ANKS1A: variants seen among roughly 807,000 people sequenced by gnomAD.
ANKS1A encodes the protein ankyrin repeat and sterile alpha motif domain containing 1A, also known as ankyrin repeat and SAM domain-containing protein 1A.
A neutral mutation model predicts 120.3 loss-of-function variants in ANKS1A; 55 were observed. That is an observed-to-expected ratio of 0.46 (90% confidence interval 0.37 to 0.57). ANKS1A has a LOEUF of 0.57. Ranked by LOEUF, ANKS1A falls within the 20% of genes least tolerant of loss-of-function variation. The pLI is 0.00. For synonymous variants in ANKS1A, 590 were observed against 604.7 expected (o/e 0.98, Z 0.36); for missense variants, 1,123 against 1,480.3 (o/e 0.76, Z 3.96).
At position 35,073,625 on chromosome 6, in the gene ANKS1A, C is replaced by T. The variant is rs571738127; in HGVS notation, c.2185-4933C>T. On this transcript the variant is annotated intron_variant, in intron 13 of 23. Transcript: ENST00000360359. ...TGGAGTTGTGAAGCTTTTATCAAAGCTGAGACAATCCCTGTTAACTAAAAT... is the reference window on the plus strand; with the variant it reads ...TGGAGTTGTGAAGCTTTTATCAAAGTTGAGACAATCCCTGTTAACTAAAAT... Among the ~76,000 whole-genome samples, 5 of 152,356 alleles carry T rather than the reference C, an allele frequency of 3.3e-5. No homozygotes were observed. In the South Asian group the frequency reaches 1.0e-3, roughly 32 times the overall value.
chr6:34,982,926 C>T lies in ANKS1A; in HGVS notation c.808+99C>T. ...GATTTTTGCTGGCTGTGTTTGAACT[C>T]AATGTATGTGTATCTCCACTGGTTG... On this transcript the variant is annotated intron_variant, in intron 5 of 23. Coordinates refer to ENST00000360359, the MANE Select transcript of ANKS1A (RefSeq NM_015245.3). The surrounding 1 kb of genome is among the most constrained non-coding windows in gnomAD (Gnocchi z 4.9). 1 of 1,437,448 alleles carries T rather than the reference C, an allele frequency of 7.0e-7. No individual in the cohort carries two copies. Among genetic ancestry groups the T allele is most frequent in the Admixed American group, 1.7e-5 (1 of 58,770 alleles). The allele number at this position is 1,437,448 out of a possible 1,614,324, so 89.0% of individuals were successfully genotyped here. A position where few individuals can be genotyped will look rare whatever the true frequency, so the allele number is the denominator to read the frequency against.
At chr6:34,945,983 ATT>A (rs770638824) in intron 1 of ANKS1A, among the ~76,000 whole-genome samples, 1 of 128,916 alleles carries the variant, frequency 7.8e-6, no homozygotes, top group Non-Finnish European at 1.7e-5. Flanking sequence ...ATTTTTATTT[ATT>A]TTTTTTTTTT....
At chr6:34,908,365 G>A (rs1328662068) in intron 1 of ANKS1A, among the ~76,000 whole-genome samples, 1 of 152,202 alleles carries the variant, frequency 6.6e-6, no homozygotes, top group African/African-American at 2.4e-5. Context: ...GCCCAGCAGT[G>A]AGTAAGCGGC....
chr6:34,975,941 C>G (rs1244261098), intron 3 of ANKS1A, among the ~76,000 whole-genome samples: 1 of 151,720 alleles, frequency 6.6e-6, no homozygotes, highest in Non-Finnish European at 1.5e-5. Context: ...AGTTCGAGAC[C>G]AGCCTAGCCA....
chr6:34,989,444 T>C (rs1772394815), intron 9 of ANKS1A, 128 bp downstream of exon 9: 1 of 830,900 alleles, frequency 1.2e-6, no homozygotes, highest in Non-Finnish European at 1.9e-6. Flanking sequence ...ATTTGTATTA[T>C]GTGTACTAGT....
intron 10 of ANKS1A, among the ~76,000 whole-genome samples, chr6:34,999,793 A>T (rs536390738): frequency 6.6e-6 from 1 of 152,212 alleles, no homozygotes; most frequent in Non-Finnish European, 1.5e-5. Context: ...AGAGAACAGC[A>T]GCATAAGCGG....
rs114080011 is a variant in ANKS1A, at chr6:35,028,060, T to G, written c.2010+10001T>G. On this transcript the variant is annotated intron_variant, in intron 11 of 23. Transcript: ENST00000360359. ...AATGACAATTTATCTGGCAGTCTGT[T>G]CTTGGCTGTCCTGATTTAAACAGGC... 6.5e-3 allele frequency among the ~76,000 whole-genome samples: 994 copies of G among 152,362 alleles called. 6 individuals are homozygous for G. The highest frequency in any genetic ancestry group is 0.017 in the Middle Eastern group (5 of 294).
rs78528694 is a variant in ANKS1A, at chr6:34,916,926, T to C, written c.197+27327T>C. The stretch of plus-strand genomic sequence containing the variant: ...TACTTGTTCTTTAAGGCGGCAGCAA[T>C]GTGCCTTAATGTGGTTGTCCTCATT... On this transcript the variant is annotated intron_variant, in intron 1 of 23. Transcript: ENST00000360359. Among the ~76,000 whole-genome samples the C allele has an allele frequency of 1.7e-3, 253 of 152,314 alleles. 10 individuals are homozygous for C. The East Asian group carries it at 0.042, about 25-fold the overall frequency.
intron 1 of ANKS1A, among the ~76,000 whole-genome samples, chr6:34,909,665 C>G: frequency 6.6e-6 from 1 of 152,140 alleles, no homozygotes; most frequent in Non-Finnish European, 1.5e-5. Flanking sequence ...TTGTGATCTT[C>G]TGATGGGGGA....
chr6:35,000,432 C>G (rs1773103217), intron 10 of ANKS1A, among the ~76,000 whole-genome samples: 1 of 149,728 alleles, frequency 6.7e-6, no homozygotes, highest in South Asian at 2.1e-4. Context: ...CTTAGACAGT[C>G]TAGTCCACAG....
At chr6:34,923,924 C>CT (rs1768568818) in intron 1 of ANKS1A, among the ~76,000 whole-genome samples, 1 of 152,162 alleles carries the variant, frequency 6.6e-6, no homozygotes, top group South Asian at 2.1e-4. Context: ...AATGTCTACA[C>CT]TTTTTTCTGA....
At chr6:34,945,688 G>C (rs1769755692) in intron 1 of ANKS1A, among the ~76,000 whole-genome samples, 2 of 152,148 alleles carry the variant, frequency 1.3e-5, no homozygotes, top group African/African-American at 2.4e-5. Flanking sequence ...TTTACAAAGT[G>C]AAAGTTGTGG....
intron 1 of ANKS1A, among the ~76,000 whole-genome samples, chr6:34,934,021 G>A (rs1400462869): frequency 6.6e-6 from 1 of 152,190 alleles, no homozygotes; most frequent in Non-Finnish European, 1.5e-5. Context: ...AGATAACTGT[G>A]TACGTTGGAG....
At chr6:34,918,815 A>C (rs1379421443) in intron 1 of ANKS1A, among the ~76,000 whole-genome samples, 2 of 152,034 alleles carry the variant, frequency 1.3e-5, no homozygotes, top group African/African-American at 4.8e-5. Flanking sequence ...GACTTTGGTT[A>C]CTGTTACATT....
intron 13 of ANKS1A, 41 bp from the exon 14 acceptor site, chr6:35,078,517 C>T (rs762571979): frequency 2.5e-6 from 4 of 1,582,538 alleles, no homozygotes; most frequent in Middle Eastern, 1.7e-4. Flanking sequence ...CACCAGCCAT[C>T]CATCCAGGAG....
At chr6:35,076,893 G>A (rs781246846) in intron 13 of ANKS1A, among the ~76,000 whole-genome samples, 1 of 152,106 alleles carries the variant, frequency 6.6e-6, no homozygotes, top group Non-Finnish European at 1.5e-5. Context: ...GCCTCCCAAA[G>A]TGCTGGGATT....
intron 11 of ANKS1A, among the ~76,000 whole-genome samples, chr6:35,022,176 C>T (rs1774377729): frequency 6.6e-6 from 1 of 152,192 alleles, no homozygotes; most frequent in Non-Finnish European, 1.5e-5. Flanking sequence ...CCACTGTTCT[C>T]ATTTGAGAAA....
intron 11 of ANKS1A, among the ~76,000 whole-genome samples, chr6:35,052,145 T>C (rs1775998874): frequency 6.6e-6 from 1 of 151,896 alleles, no homozygotes; most frequent in South Asian, 2.1e-4. Context: ...TGAGACCTTA[T>C]CTCTACAAAA....
chr6:34,909,360 A>T (rs556279582), intron 1 of ANKS1A, among the ~76,000 whole-genome samples: 2 of 152,314 alleles, frequency 1.3e-5, no homozygotes, highest in East Asian at 3.8e-4. Flanking sequence ...GCCATGCTCT[A>T]TGTCTTCAAC....
Sources: allele counts gnomAD v4.1 joint callset (sites outside exome capture counted in the v4.1 genomes callset), GRCh38; gene constraint gnomAD v4.1.1; non-coding constraint Gnocchi (gnomAD v3.1); transcripts MANE v1.5; gene names NCBI Gene and HGNC (gene_info 2026-07-23, HGNC 2026-07-21).